The following FAM168A variants were observed in gnomAD, a reference collection of about 807,000 sequenced individuals.
FAM168A encodes protein FAM168A.
In FAM168A, 3 loss-of-function variants were observed where a neutral mutation model predicts 28.5. The ratio of observed to expected loss-of-function variants is 0.11; its 90% CI spans 0.05 to 0.27. The LOEUF (loss-of-function observed/expected upper bound fraction) is 0.27. FAM168A is among the 10% of genes least tolerant of loss of function. The pLI is 1.00. For missense variants in FAM168A, 222 were observed against 311.5 expected, an observed-to-expected ratio of 0.71 and a Z score of 2.16; for synonymous variants, 122 against 124.2, an observed-to-expected ratio of 0.98 and a Z score of 0.12.
At chr11:73,411,663 A>C in intron 4 of FAM168A, 127 bp from the exon 5 acceptor site, 1 of 1,003,026 alleles carries the variant, frequency 1.0e-6, no homozygotes, top group Non-Finnish European at 1.5e-6. Flanking sequence ...AGAGATGAGA[A>C]CAAACAGAGA....
intron 1 of FAM168A, among the ~76,000 whole-genome samples, chr11:73,569,724 A>G (rs1343468874): frequency 6.6e-6 from 1 of 152,112 alleles, no homozygotes; most frequent in East Asian, 1.9e-4. Flanking sequence ...CAGGAGGCTG[A>G]GGCAGAAGAA....
At chr11:73,555,272 A>G (rs985052932) in intron 1 of FAM168A, among the ~76,000 whole-genome samples, 1 of 152,216 alleles carries the variant, frequency 6.6e-6, no homozygotes, top group Non-Finnish European at 1.5e-5. Flanking sequence ...AAGCAGCTAT[A>G]CATGAGTCAG....
chr11:73,514,559 G>A (rs142545046), intron 1 of FAM168A, among the ~76,000 whole-genome samples: 1 of 152,310 alleles, frequency 6.6e-6, no homozygotes, highest in African/African-American at 2.4e-5. Context: ...CCTGTGAGGT[G>A]CAGTGGCTCA....
intron 1 of FAM168A, among the ~76,000 whole-genome samples, chr11:73,487,760 C>T (rs1264519791): frequency 1.3e-5 from 2 of 152,056 alleles, no homozygotes; most frequent in African/African-American, 4.8e-5. Context: ...TCTCATTCGC[C>T]AAACACCATC....
At chr11:73,513,608 A>G (rs1282493498) in intron 1 of FAM168A, among the ~76,000 whole-genome samples, 1 of 152,138 alleles carries the variant, frequency 6.6e-6, no homozygotes, top group Admixed American at 6.5e-5. Context: ...TGGCAGCATC[A>G]TAAGACTGAA....
intron 1 of FAM168A, among the ~76,000 whole-genome samples, chr11:73,472,312 G>C (rs1486796009): frequency 6.6e-6 from 1 of 152,200 alleles, no homozygotes; most frequent in Non-Finnish European, 1.5e-5. Context: ...TCTCTGAGAA[G>C]AAACTGTCCA....
At chr11:73,535,665 T>C (rs1943569789) in intron 1 of FAM168A, among the ~76,000 whole-genome samples, 1 of 151,570 alleles carries the variant, frequency 6.6e-6, no homozygotes, top group Non-Finnish European at 1.5e-5. Context: ...ATGATCTGCC[T>C]GCCTTGGCCT....
intron 1 of FAM168A, among the ~76,000 whole-genome samples, chr11:73,576,567 C>T (rs1046043207): frequency 2.0e-5 from 3 of 152,162 alleles, no homozygotes; most frequent in South Asian, 2.1e-4. Flanking sequence ...AGACCTCCAT[C>T]TTAAAGCTCC....
intron 1 of FAM168A, among the ~76,000 whole-genome samples, chr11:73,551,601 A>C (rs1943830001): frequency 6.6e-6 from 1 of 152,220 alleles, no homozygotes. Context: ...ACTGCACACA[A>C]TTTTGGAAAA....
intron 1 of FAM168A, among the ~76,000 whole-genome samples, chr11:73,550,610 G>A (rs376525120): frequency 4.6e-5 from 7 of 152,126 alleles, no homozygotes; most frequent in Admixed American, 2.0e-4. Flanking sequence ...AGCCATGATC[G>A]TATCACTGCA....
chr11:73,432,521 C>T (rs1323063977), intron 2 of FAM168A, among the ~76,000 whole-genome samples: 1 of 151,950 alleles, frequency 6.6e-6, no homozygotes, highest in African/African-American at 2.4e-5. Flanking sequence ...ATTGCATTTC[C>T]CTAACGACTA....
At chr11:73,492,055 G>A (rs901153854) in intron 1 of FAM168A, among the ~76,000 whole-genome samples, 3 of 152,182 alleles carry the variant, frequency 2.0e-5, no homozygotes, top group Non-Finnish European at 4.4e-5. Context: ...TCTCCATGGA[G>A]AGTCAGGGCT....
intron 1 of FAM168A, among the ~76,000 whole-genome samples, chr11:73,566,787 C>G (rs1944024935): frequency 6.6e-6 from 1 of 152,144 alleles, no homozygotes; most frequent in African/African-American, 2.4e-5. Flanking sequence ...CAAATTATTA[C>G]TATAAAATGT....
intron 1 of FAM168A, chr11:73,580,260 A>C: frequency 5.4e-6 from 3 of 551,912 alleles, no homozygotes; most frequent in Non-Finnish European, 1.1e-5. Context: ...ACCATGCCCA[A>C]GAAAGGCTGA....
chr11:73,468,105 CA>C (rs1427965896), intron 2 of FAM168A, among the ~76,000 whole-genome samples: 5 of 152,174 alleles, frequency 3.3e-5, no homozygotes, highest in African/African-American at 1.2e-4. Context: ...AAGCTTAACA[CA>C]CTGATCATCT....
At chr11:73,530,326 CA>C (rs1204607318) in intron 1 of FAM168A, among the ~76,000 whole-genome samples, 1 of 151,528 alleles carries the variant, frequency 6.6e-6, no homozygotes, top group Non-Finnish European at 1.5e-5. Flanking sequence ...TCTCCTTTCC[CA>C]GTGGAGCGAG....
intron 1 of FAM168A, among the ~76,000 whole-genome samples, chr11:73,573,396 G>T (rs1944131157): frequency 6.6e-6 from 1 of 152,056 alleles, no homozygotes; most frequent in South Asian, 2.1e-4. Context: ...TTGTTCTAGG[G>T]ATCAAGATTA....
Position 73,454,035 on chromosome 11 carries a change from G to C in FAM168A, c.70+14370C>G, listed in dbSNP as rs1296568171. Among the ~76,000 whole-genome samples, 3 of 152,160 alleles carry C rather than the reference G, an allele frequency of 2.0e-5. No individual in the cohort carries two copies. In the East Asian group the frequency reaches 5.8e-4, roughly 29 times the overall value. On this transcript the variant is annotated intron_variant, in intron 2 of 7. Coordinates refer to ENST00000356467, the MANE Select transcript of FAM168A (RefSeq NM_015159.3). ...CAGGCTGGCTTTCATGGTCTATTGAGCTTGCCCAAGAATGTCAGAAGCTCC... is the reference window on the plus strand; with the variant it reads ...CAGGCTGGCTTTCATGGTCTATTGACCTTGCCCAAGAATGTCAGAAGCTCC...
At chr11:73,421,271 G>T (rs574153348) in intron 3 of FAM168A, among the ~76,000 whole-genome samples, 1 of 152,172 alleles carries the variant, frequency 6.6e-6, no homozygotes, top group Non-Finnish European at 1.5e-5. Flanking sequence ...GCCCATTCAG[G>T]TAACAGGTAA....
Sources: allele counts gnomAD v4.1 joint callset (sites outside exome capture counted in the v4.1 genomes callset), GRCh38; gene constraint gnomAD v4.1.1; transcripts MANE v1.5; gene names NCBI Gene and HGNC (gene_info 2026-07-23, HGNC 2026-07-21).